Variants in RIOK1 observed in about 807,000 individuals in gnomAD.
RIOK1 encodes serine/threonine-protein kinase RIO1.
A neutral mutation model predicts 73.5 loss-of-function variants in RIOK1; 66 were observed. That is an observed-to-expected ratio of 0.90 (90% CI 0.74 to 1.10). RIOK1 has a LOEUF of 1.10. Among genes scored for constraint, RIOK1 ranks in the 50% least tolerant of loss-of-function variants. The pLI is 0.00. For missense variants in RIOK1, 658 were observed against 699.8 expected (o/e 0.94, Z 0.67); for synonymous variants, 224 against 226.8 (o/e 0.99, Z 0.11).
chr6:7,396,738 G>A lies in RIOK1; in HGVS notation c.403G>A (p.Val135Ile). 1 of 1,601,928 alleles carries A rather than the reference G, an allele frequency of 6.2e-7. No individual in the cohort carries two copies. Among genetic ancestry groups the A allele is most frequent in the Admixed American group, 1.7e-5 (1 of 59,504 alleles). ...LNVTDSVINK[V>I]TEKSRQKEAD... ...TGTTACTGATTCCGTCATAAATAAAGTCACCGAAAAGTCTAGACAAAAGGA... is the reference window on the plus strand; with the variant it reads ...TGTTACTGATTCCGTCATAAATAAAATCACCGAAAAGTCTAGACAAAAGGA... Residue 135 changes from valine to isoleucine, a missense_variant, in exon 4 of 17, where the codon GTC becomes ATC. Val to Ile is a conservative substitution (Grantham distance 29). Coordinates refer to ENST00000379834, the MANE Select transcript of RIOK1 (RefSeq NM_031480.3).
At chr6:7,397,702 T>C (rs1334722557) in intron 4 of RIOK1, among the ~76,000 whole-genome samples, 2 of 152,248 alleles carry the variant, frequency 1.3e-5, no homozygotes, top group Non-Finnish European at 2.9e-5. Flanking sequence ...AGATACACCA[T>C]AGTTATTTGT....
At chr6:7,408,725 CT>C (rs755581840) in intron 12 of RIOK1, among the ~76,000 whole-genome samples, 643 of 141,796 alleles carry the variant, frequency 4.5e-3, no homozygotes, top group African/African-American at 4.2e-3. Context: ...TTTTCTTTTT[CT>C]TTTTTTTTTT....
At chr6:7,400,870 C>A in intron 5 of RIOK1, 88 bp from the exon 6 acceptor site, 1 of 744,188 alleles carries the variant, frequency 1.3e-6, no homozygotes, top group Non-Finnish European at 2.4e-6. Flanking sequence ...TACAGTTAAG[C>A]TCTGCTGTTT....
In RIOK1 at chr6:7,410,439, T is replaced by G; in HGVS notation, c.1257T>G (p.His419Gln). ...RTKEERSSQD[H>Q]VDEEVFKRAY... ...AGGAAGAACGGTCTAGCCAAGATCA[T>G]GTGGATGAAGAGGTAGGATTTATTA... The change falls in exon 13 of 17, where the codon CAT becomes CAG. Residue 419 changes from histidine to glutamine, a missense_variant. His to Gln is a conservative substitution (Grantham distance 24). Coordinates refer to ENST00000379834, the MANE Select transcript of RIOK1 (RefSeq NM_031480.3). The G allele has an allele frequency of 2.5e-6, 4 of 1,610,018 alleles. No homozygotes were observed. Among genetic ancestry groups the G allele is most frequent in the Non-Finnish European group, 3.4e-6 (4 of 1,176,718 alleles).
chr6:7,409,750 G>A (rs1364745323), intron 12 of RIOK1, among the ~76,000 whole-genome samples: 6 of 150,250 alleles, frequency 4.0e-5, no homozygotes, highest in African/African-American at 7.4e-5. Flanking sequence ...GATTAGAGGC[G>A]TGAGCCACTG....
chr6:7,403,874 C>A, intron 8 of RIOK1, 67 bp from the exon 9 acceptor site: 1 of 991,482 alleles, frequency 1.0e-6, no homozygotes, highest in Non-Finnish European at 1.6e-6. Flanking sequence ...TTGGGACCTG[C>A]AGTTGTAATT....
Position 7,411,456 on chromosome 6 carries a change from G to A in RIOK1, c.1389+5G>A. The A allele has an allele frequency of 6.2e-7, 1 of 1,613,858 alleles. No individual in the cohort carries two copies. The highest frequency in any genetic ancestry group is 8.5e-7 in the Non-Finnish European group (1 of 1,179,856). On this transcript the variant is annotated splice_donor_5th_base_variant and intron_variant, in intron 14 of 16. Coordinates refer to ENST00000379834, the MANE Select transcript of RIOK1 (RefSeq NM_031480.3). Reference sequence around the variant, plus strand: ...ATGAATGCCCAACAAGATAATGTAAGTAGCTTGGTTTGTATATAGCAAGCA... The same window carrying A: ...ATGAATGCCCAACAAGATAATGTAAATAGCTTGGTTTGTATATAGCAAGCA...
At chr6:7,416,964 G>T (rs756419339) in intron 16 of RIOK1, among the ~76,000 whole-genome samples, 2 of 151,838 alleles carry the variant, frequency 1.3e-5, no homozygotes, top group Non-Finnish European at 2.9e-5. Flanking sequence ...AATACTCCAG[G>T]TGGGTGCAGT....
intron 4 of RIOK1, among the ~76,000 whole-genome samples, chr6:7,398,204 A>G (rs1215986450): frequency 6.6e-6 from 1 of 152,174 alleles, no homozygotes; most frequent in Non-Finnish European, 1.5e-5. Context: ...GCCTCTAAAC[A>G]GAAAGCCTTG....
intron 2 of RIOK1, among the ~76,000 whole-genome samples, chr6:7,394,828 TA>T (rs538389109): frequency 6.6e-6 from 1 of 152,202 alleles, no homozygotes; most frequent in Non-Finnish European, 1.5e-5. Context: ...ATAGAGAAGT[TA>T]AAAAAACGGA....
At chr6:7,390,130 T>A in intron 1 of RIOK1, 57 bp downstream of exon 1, 1 of 1,444,630 alleles carries the variant, frequency 6.9e-7, no homozygotes, top group Non-Finnish European at 9.5e-7. Flanking sequence ...GACCGCCCCC[T>A]TGGGGTGTGG....
chr6:7,393,812 C>G (rs577342397), intron 2 of RIOK1, among the ~76,000 whole-genome samples: 3 of 152,072 alleles, frequency 2.0e-5, no homozygotes, highest in Middle Eastern at 3.4e-3. Flanking sequence ...TGTGCCAAGA[C>G]TTAGTTACAA....
At chr6:7,392,965 G>A (rs930786370) in intron 1 of RIOK1, 134 bp from the exon 2 acceptor site, 31 of 1,321,460 alleles carry the variant, frequency 2.3e-5, no homozygotes, top group Admixed American at 6.4e-5. Flanking sequence ...GGAGCTTATC[G>A]GAAGGTGTAT....
chr6:7,390,088 A>AG lies in RIOK1; in HGVS notation c.71+16dup, dbSNP rs1761289856. 9 of 1,553,966 alleles carry AG rather than the reference A, an allele frequency of 5.8e-6. No individual in the cohort carries two copies. The East Asian group carries it at 1.9e-4, about 34-fold the overall frequency. On this transcript the variant is annotated intron_variant, in intron 1 of 16. Transcript: ENST00000379834. ...TCCTCTGACAGGTAGGCGGCCGTAC[A>AG]GTGCCCTGGCTCTGGGTACGGCTCT...
chr6:7,404,275 C>T (rs947781122), intron 9 of RIOK1, 143 bp from the exon 10 acceptor site: 1 of 972,716 alleles, frequency 1.0e-6, no homozygotes. Flanking sequence ...TTTGCCGGTA[C>T]CTTCTTGGTT....
At chr6:7,404,252 G>A (rs1761684845) in intron 9 of RIOK1, among the ~76,000 whole-genome samples, 166 bp from the exon 10 acceptor site, 1 of 152,104 alleles carries the variant, frequency 6.6e-6, no homozygotes, top group South Asian at 2.1e-4. Flanking sequence ...ACAGTGTGTT[G>A]GGAAAGCATC....
rs1444604386 is a variant in RIOK1 at position 7,390,006 on chromosome 6, G to A, written c.4G>A (p.Asp2Asn). 5.2e-6 allele frequency: 8 copies of A among 1,552,484 alleles called. No individual in the cohort carries two copies. The highest frequency in any genetic ancestry group is 1.7e-4 in the Middle Eastern group (1 of 5,948). ...CCTCCGGCGGCGCTCTCCAGTCATGGACTACCGGCGGCTTCTCATGAGCCG... is the reference window on the plus strand; with the variant it reads ...CCTCCGGCGGCGCTCTCCAGTCATGAACTACCGGCGGCTTCTCATGAGCCG... M[D>N]YRRLLMSRVV... Residue 2 changes from aspartate to asparagine, a missense_variant, in exon 1 of 17, where the codon GAC (aspartate) becomes AAC (asparagine). Coordinates refer to ENST00000379834, the MANE Select transcript of RIOK1 (RefSeq NM_031480.3).
At chr6:7,393,516 A>T (rs1761394804) in intron 2 of RIOK1, among the ~76,000 whole-genome samples, 1 of 152,232 alleles carries the variant, frequency 6.6e-6, no homozygotes, top group Non-Finnish European at 1.5e-5. Context: ...CTGTAAATTT[A>T]AAAAGAGTTA....
Position 7,404,993 on chromosome 6 carries a change from C to G in RIOK1, c.1068C>G (p.Phe356Leu), listed in dbSNP as rs148586888. ...ACGACCACCCACATGCCTTGGAGTTCTTGAGAAAGGATTGCGCCAACGTCA... is the reference window on the plus strand; with the variant it reads ...ACGACCACCCACATGCCTTGGAGTTGTTGAGAAAGGATTGCGCCAACGTCA... ...VEHDHPHALE[F>L]LRKDCANVND... is the part of the protein sequence containing the mutation. The change falls in exon 11 of 17, where the codon TTC becomes TTG. Residue 356 changes from phenylalanine (F) to leucine (L), a missense_variant. Physicochemically the swap from Phe to Leu is conservative, Grantham distance 22 (BLOSUM62 0). Coordinates refer to ENST00000379834, the MANE Select transcript of RIOK1 (RefSeq NM_031480.3). The G allele has an allele frequency of 5.3e-5, 86 of 1,614,002 alleles. No individual in the cohort carries two copies. Among genetic ancestry groups the G allele is most frequent in the Non-Finnish European group, 6.8e-5 (80 of 1,180,000 alleles).
Sources: allele counts gnomAD v4.1 joint callset (sites outside exome capture counted in the v4.1 genomes callset), GRCh38; gene constraint gnomAD v4.1.1; transcripts MANE v1.5; gene names NCBI Gene and HGNC (gene_info 2026-07-23, HGNC 2026-07-21).